COL5A2: variants seen among roughly 807,000 people sequenced by gnomAD.
The protein encoded by COL5A2 is collagen alpha-2(V) chain.
Under a neutral mutation model 208.2 loss-of-function variants are expected in COL5A2, and 23 were observed. The observed-to-expected ratio is 0.11, with a 90% confidence interval of 0.08 to 0.16. The LOEUF is 0.16. Ranked by LOEUF, COL5A2 falls within the 10% of genes least tolerant of loss-of-function variation. COL5A2 has a pLI of 1.00. For synonymous variants in COL5A2, 625 were observed against 628.5 expected, an observed-to-expected ratio of 0.99 and a Z score of 0.08; for missense variants, 1,590 against 1,956.4, an observed-to-expected ratio of 0.81 and a Z score of 3.53.
the COL5A2 span, among the ~76,000 whole-genome samples, chr2:189,305,815 A>T: frequency 2.2e-4 from 5 of 22,386 alleles, no homozygotes; most frequent in African/African-American, 3.8e-4. Flanking sequence ...TATTCAATCT[A>T]AAAAAAAAAA....
At chr2:189,421,466 T>A in the COL5A2 span, among the ~76,000 whole-genome samples, 1 of 152,180 alleles carries the variant, frequency 6.6e-6, no homozygotes, top group African/African-American at 2.4e-5. Context: ...AAGATAGTTT[T>A]ATGTTACCTG....
the COL5A2 span, among the ~76,000 whole-genome samples, chr2:189,241,136 C>G: frequency 6.6e-6 from 1 of 152,202 alleles, no homozygotes; most frequent in African/African-American, 2.4e-5. Context: ...ATATAATCAA[C>G]AGACCCCACC....
the COL5A2 span, among the ~76,000 whole-genome samples, chr2:189,257,402 T>A: frequency 6.6e-6 from 1 of 152,318 alleles, no homozygotes; most frequent in South Asian, 2.1e-4. Flanking sequence ...GGTGCATGGA[T>A]CTCCTCACTT....
the COL5A2 span, among the ~76,000 whole-genome samples, chr2:189,392,607 A>G: frequency 6.6e-6 from 1 of 152,182 alleles, no homozygotes; most frequent in Non-Finnish European, 1.5e-5. Context: ...GCTTTCCTTC[A>G]TCCCATTACT....
chr2:189,222,853 G>A (rs1689364951), intron 1 of COL5A2, among the ~76,000 whole-genome samples: 1 of 152,058 alleles, frequency 6.6e-6, no homozygotes, highest in Admixed American at 6.6e-5. Flanking sequence ...ATATCACCAA[G>A]CAATGAAAAA....
chr2:189,383,154 G>A, the COL5A2 span, among the ~76,000 whole-genome samples: 5 of 152,254 alleles, frequency 3.3e-5, no homozygotes, highest in Admixed American at 6.5e-5. Flanking sequence ...CTGACATAAC[G>A]AAATACCACA....
the COL5A2 span, among the ~76,000 whole-genome samples, chr2:189,368,295 T>C: frequency 6.6e-6 from 1 of 152,198 alleles, no homozygotes; most frequent in East Asian, 1.9e-4. Context: ...TCTGAGTTAT[T>C]TCAGTATCTC....
At chr2:189,105,269 T>C (rs373425332) in intron 2 of COL5A2, among the ~76,000 whole-genome samples, 173 of 151,840 alleles carry the variant, frequency 1.1e-3, no homozygotes, top group African/African-American at 3.9e-3. Flanking sequence ...CATTGGTAAC[T>C]TGATAGATAC....
At chr2:189,279,440 A>T in the COL5A2 span, among the ~76,000 whole-genome samples, 1 of 151,798 alleles carries the variant, frequency 6.6e-6, no homozygotes, top group African/African-American at 2.4e-5. Context: ...TGGGTGGTAT[A>T]TACAAAAGTT....
At chr2:189,187,598 T>C (rs1406889859) in intron 1 of COL5A2, among the ~76,000 whole-genome samples, 4 of 152,210 alleles carry the variant, frequency 2.6e-5, no homozygotes, top group Non-Finnish European at 2.9e-5. Flanking sequence ...AGAGGTAATA[T>C]TACATAAGTG....
the COL5A2 span, among the ~76,000 whole-genome samples, chr2:189,369,514 T>A: frequency 4.6e-5 from 7 of 152,240 alleles, no homozygotes; most frequent in African/African-American, 1.7e-4. Context: ...GATACATTCG[T>A]TTTCATTGAG....
intron 19 of COL5A2, 83 bp downstream of exon 19, chr2:189,068,703 T>C: frequency 1.0e-6 from 1 of 986,542 alleles, no homozygotes; most frequent in Non-Finnish European, 1.6e-6. Flanking sequence ...ATGTATCAAT[T>C]AAAAAAATAG....
chr2:189,213,846 G>T (rs1689246302), intron 1 of COL5A2, among the ~76,000 whole-genome samples: 1 of 152,196 alleles, frequency 6.6e-6, no homozygotes, highest in Non-Finnish European at 1.5e-5. Context: ...GAGAGTAGTT[G>T]TGATCAGGAT....
the COL5A2 span, among the ~76,000 whole-genome samples, chr2:189,293,167 A>G: frequency 1.3e-5 from 2 of 152,068 alleles, no homozygotes; most frequent in Admixed American, 6.6e-5. Context: ...TGACGAGTTA[A>G]TGGGTGCAGC....
intron 1 of COL5A2, among the ~76,000 whole-genome samples, chr2:189,141,553 G>T (rs1020732852): frequency 3.3e-5 from 5 of 152,050 alleles, no homozygotes; most frequent in African/African-American, 4.8e-5. Flanking sequence ...TATGGCTCCG[G>T]TTAAAGATTT....
chr2:189,212,674 C>T (rs1168672927), intron 1 of COL5A2, among the ~76,000 whole-genome samples: 1 of 150,910 alleles, frequency 6.6e-6, no homozygotes, highest in Non-Finnish European at 1.5e-5. Flanking sequence ...GGCTCTCCTC[C>T]AGCACAGGCC....
intron 12 of COL5A2, among the ~76,000 whole-genome samples, chr2:189,081,357 G>T (rs1408852346): frequency 6.6e-6 from 1 of 151,898 alleles, no homozygotes; most frequent in Non-Finnish European, 1.5e-5. Context: ...AACAAAACAA[G>T]AACATAAGCA....
intron 1 of COL5A2, among the ~76,000 whole-genome samples, chr2:189,203,775 A>G (rs1017465536): frequency 6.6e-6 from 1 of 152,260 alleles, no homozygotes; most frequent in Non-Finnish European, 1.5e-5. Flanking sequence ...GAAAATTTCA[A>G]TAAAAGTGAA....
At position 189,188,051 on chromosome 2, in the gene COL5A2, A is replaced by G. The variant is rs373315386; in HGVS notation, c.-42+37097T>C. 1.6e-4 allele frequency among the ~76,000 whole-genome samples: 24 copies of G among 152,082 alleles called. No individual in the cohort carries two copies. In the East Asian group the frequency reaches 2.3e-3, roughly 15 times the overall value. ...GGGAAGTTTAATCCTGTACCACACT[A>G]TGTTCCACTCACCCTCTCATTCTGC... On this transcript the variant is annotated intron_variant, in intron 1 of 10. Coordinates refer to the COL5A2 transcript ENST00000649966.
Sources: gnomAD v4.1 joint callset for allele counts (sites outside exome capture counted in the v4.1 genomes callset) on GRCh38, gnomAD v4.1.1 for gene constraint, MANE v1.5 for transcripts, NCBI Gene and HGNC (gene_info 2026-07-23, HGNC 2026-07-21) for gene names.